The following DOCK4 variants were observed in gnomAD, a reference collection of about 807,000 sequenced individuals.
The protein encoded by DOCK4 is dedicator of cytokinesis 4.
DOCK4 carries 97 observed loss-of-function variants against 268.1 expected under a neutral mutation model. The ratio of observed to expected loss-of-function variants is 0.36; its 90% CI spans 0.31 to 0.43. The LOEUF (loss-of-function observed/expected upper bound fraction) is 0.43. DOCK4 is among the 20% of genes least tolerant of loss of function. DOCK4 has a pLI of 1.00. For missense variants in DOCK4, 2,145 were observed against 2,455.7 expected (o/e 0.87, Z 2.67); for synonymous variants, 954 against 887.2 (o/e 1.08, Z -1.34).
intron 1 of DOCK4, among the ~76,000 whole-genome samples, chr7:112,138,063 A>T (rs1814532624): frequency 6.6e-6 from 1 of 152,176 alleles, no homozygotes; most frequent in South Asian, 2.1e-4. Flanking sequence ...ACTTGCTAAA[A>T]CTTTTGTCTA....
chr7:112,022,863 G>A (rs750016939), intron 1 of DOCK4, among the ~76,000 whole-genome samples: 1 of 152,128 alleles, frequency 6.6e-6, no homozygotes, highest in South Asian at 2.1e-4. Flanking sequence ...GAAGTGAAAG[G>A]CCTGTAAATT....
At position 111,747,366 on chromosome 7, in the gene DOCK4, C is replaced by T; in HGVS notation, c.4494G>A (p.Gln1498=). ...TATTCTGCATCTGTCTTGTCTGACA[C>T]TGACTAATCAGAGTCTTCAGCTGCT... ...KNQQLKTLIS[Q]CQTRQMQNIN... Residue 1498 remains glutamine (Q), a synonymous_variant, in exon 43 of 53, where the codon CAG becomes CAA. Coordinates refer to ENST00000428084, the MANE Select transcript of DOCK4 (RefSeq NM_001363540.2). 1 of 1,613,450 alleles carries T rather than the reference C, an allele frequency of 6.2e-7. No individual in the cohort carries two copies. Among genetic ancestry groups the T allele is most frequent in the Non-Finnish European group, 8.5e-7 (1 of 1,179,726 alleles).
intron 1 of DOCK4, among the ~76,000 whole-genome samples, chr7:112,115,874 C>G (rs554121988): frequency 2.0e-5 from 3 of 152,236 alleles, no homozygotes; most frequent in East Asian, 3.9e-4. Flanking sequence ...GAGAAAGAGT[C>G]TAGCTATATT....
At chr7:111,734,085 G>A (rs962428348) in intron 51 of DOCK4, among the ~76,000 whole-genome samples, 1 of 152,002 alleles carries the variant, frequency 6.6e-6, no homozygotes, top group African/African-American at 2.4e-5. Flanking sequence ...CTAGAGGTGT[G>A]TGCCACCATG....
chr7:111,867,623 G>T (rs544240612), intron 22 of DOCK4, among the ~76,000 whole-genome samples: 1 of 152,322 alleles, frequency 6.6e-6, no homozygotes, highest in South Asian at 2.1e-4. Context: ...AGATTAAAAT[G>T]CAGTGAGAAG....
chr7:112,053,656 A>G (rs1217461020), intron 1 of DOCK4, among the ~76,000 whole-genome samples: 1 of 152,214 alleles, frequency 6.6e-6, no homozygotes, highest in Non-Finnish European at 1.5e-5. Flanking sequence ...TCTACAGTGT[A>G]TTTAACATTT....
At chr7:111,774,539 A>G (rs111532314) in intron 36 of DOCK4, among the ~76,000 whole-genome samples, 6 of 152,186 alleles carry the variant, frequency 3.9e-5, no homozygotes, top group African/African-American at 1.4e-4. Context: ...CACTTAGCCT[A>G]TGGGAGAAGG....
intron 25 of DOCK4, among the ~76,000 whole-genome samples, chr7:111,835,762 GA>G (rs1315825699): frequency 1.3e-5 from 2 of 152,110 alleles, no homozygotes; most frequent in Non-Finnish European, 2.9e-5. Context: ...CCTGAGAAGG[GA>G]ATTTTTCAAC....
intron 12 of DOCK4, among the ~76,000 whole-genome samples, chr7:111,923,490 T>C (rs923121339): frequency 6.6e-6 from 1 of 152,252 alleles, no homozygotes; most frequent in African/African-American, 2.4e-5. Flanking sequence ...TTTGGTGTTC[T>C]GCAGTTTCAC....
intron 1 of DOCK4, among the ~76,000 whole-genome samples, chr7:112,104,647 C>A (rs1190393559): frequency 1.3e-5 from 2 of 152,090 alleles, no homozygotes; most frequent in Admixed American, 6.5e-5. Context: ...TATAAAATAC[C>A]ATTTTTTAGG....
intron 39 of DOCK4, among the ~76,000 whole-genome samples, chr7:111,762,553 T>C (rs1031737885): frequency 1.3e-5 from 2 of 152,078 alleles, no homozygotes; most frequent in Non-Finnish European, 2.9e-5. Flanking sequence ...CTGAGTATCA[T>C]TGCATAGATA....
intron 37 of DOCK4, among the ~76,000 whole-genome samples, chr7:111,767,483 C>T (rs1203677689): frequency 6.6e-6 from 1 of 152,032 alleles, no homozygotes; most frequent in Non-Finnish European, 1.5e-5. Flanking sequence ...CCTCGGCCTC[C>T]CAAAGTGCTG....
At chr7:112,062,742 C>T (rs888213546) in intron 1 of DOCK4, among the ~76,000 whole-genome samples, 1 of 152,158 alleles carries the variant, frequency 6.6e-6, no homozygotes, top group Admixed American at 6.5e-5. Flanking sequence ...TGCAATGGCA[C>T]GATCTCGGCT....
At chr7:112,029,064 C>A (rs534027079) in intron 1 of DOCK4, among the ~76,000 whole-genome samples, 1 of 152,182 alleles carries the variant, frequency 6.6e-6, no homozygotes, top group East Asian at 1.9e-4. Context: ...AGCATCTGAC[C>A]CCTTCCAGCT....
intron 16 of DOCK4, among the ~76,000 whole-genome samples, chr7:111,881,138 C>A (rs956775606): frequency 6.6e-6 from 1 of 152,102 alleles, no homozygotes; most frequent in Non-Finnish European, 1.5e-5. Flanking sequence ...GAAGAGACAA[C>A]CCACATAATG....
intron 42 of DOCK4, among the ~76,000 whole-genome samples, chr7:111,751,577 T>C (rs1796654872): frequency 6.6e-6 from 1 of 152,094 alleles, no homozygotes; most frequent in Non-Finnish European, 1.5e-5. Context: ...CCTGAGAAGC[T>C]GGGATTACAG....
At chr7:111,863,074 C>A in intron 23 of DOCK4, 2 of 297,028 alleles carry the variant, frequency 6.7e-6, no homozygotes, top group Non-Finnish European at 1.3e-5. Flanking sequence ...CTTTTAAAAA[C>A]AAAAGAGAAA....
intron 1 of DOCK4, among the ~76,000 whole-genome samples, chr7:112,047,791 C>G (rs1022153720): frequency 6.6e-6 from 1 of 152,092 alleles, no homozygotes; most frequent in African/African-American, 2.4e-5. Context: ...CCCCTGGGCT[C>G]GAGGGATCCT....
At chr7:111,991,841 G>A (rs140016354) in intron 5 of DOCK4, among the ~76,000 whole-genome samples, 4,616 of 151,628 alleles carry the variant, frequency 0.03, 172 homozygotes, top group East Asian at 0.15. Flanking sequence ...GGTAGCTGTA[G>A]TCCCAGCTAC....
Sources: gnomAD v4.1 joint callset for allele counts (sites outside exome capture counted in the v4.1 genomes callset) on GRCh38, gnomAD v4.1.1 for gene constraint, MANE v1.5 for transcripts, NCBI Gene and HGNC (gene_info 2026-07-23, HGNC 2026-07-21) for gene names.